Variants in CKAP2L observed in about 807,000 individuals in gnomAD.
CKAP2L encodes the protein cytoskeleton associated protein 2L, also known as cytoskeleton-associated protein 2-like.
Under a neutral mutation model 65.7 loss-of-function variants are expected in CKAP2L, and 42 were observed. The ratio of observed to expected loss-of-function variants is 0.64; its 90% CI spans 0.50 to 0.83. The LOEUF is 0.83. Ranked by LOEUF, CKAP2L falls within the 40% of genes least tolerant of loss-of-function variation. The pLI is 0.00. For missense variants in CKAP2L, 908 were observed against 871.0 expected (o/e 1.04, Z -0.53); for synonymous variants, 325 against 313.5 (o/e 1.04, Z -0.39).
chr2:112,758,584 A>C (rs1458320643), intron 3 of CKAP2L, among the ~76,000 whole-genome samples: 1 of 152,206 alleles, frequency 6.6e-6, no homozygotes, highest in Non-Finnish European at 1.5e-5. Flanking sequence ...GTATACCCAC[A>C]ATGGCTATAT....
intron 7 of CKAP2L, 140 bp downstream of exon 7, chr2:112,742,566 G>T: frequency 1.4e-6 from 1 of 710,692 alleles, no homozygotes; most frequent in Non-Finnish European, 2.6e-6. Context: ...GATGACAATG[G>T]CTGAAAGGGC....
intron 3 of CKAP2L, among the ~76,000 whole-genome samples, chr2:112,759,237 T>C (rs916036065): frequency 1.1e-5 from 1 of 92,342 alleles, no homozygotes; most frequent in African/African-American, 1.1e-4. Flanking sequence ...GTACTGCTTT[T>C]TACTCTCAAA....
chr2:112,740,894 T>C lies in CKAP2L; in HGVS notation c.1936A>G (p.Thr646Ala). 6.2e-7 allele frequency: 1 copy of C among 1,614,062 alleles called. No homozygotes were observed. Among genetic ancestry groups the C allele is most frequent in the Non-Finnish European group, 8.5e-7 (1 of 1,179,964 alleles). Residue 646 changes from threonine to alanine, a missense_variant, in exon 8 of 9, where the codon ACG (threonine) becomes GCG (alanine). By Grantham distance (58) the Thr-to-Ala change is moderately conservative (BLOSUM62 0). Coordinates refer to ENST00000302450, the MANE Select transcript of CKAP2L (RefSeq NM_152515.5). ...CLSPKEREQV[T>A]ATPRIAKAEQ... ...GCCTTGGCTATTCGGGGTGTCGCCG[T>C]GACTTGTTCCCTCTCTTTTGGAGAA...
At chr2:112,750,189 G>C (rs1156378321) in intron 5 of CKAP2L, among the ~76,000 whole-genome samples, 5 of 152,168 alleles carry the variant, frequency 3.3e-5, no homozygotes, top group Non-Finnish European at 7.3e-5. Flanking sequence ...CCTAGACCCA[G>C]TGGGTACAAG....
chr2:112,753,463 A>G (rs1680438285), intron 4 of CKAP2L, among the ~76,000 whole-genome samples: 1 of 151,538 alleles, frequency 6.6e-6, no homozygotes, highest in African/African-American at 2.4e-5. Context: ...CCAACCTCGT[A>G]TCACACTAGT....
rs1198611598 is a variant in CKAP2L, at chr2:112,738,859, C to A, written c.2202G>T (p.Leu734=). ...KCFIFRRNEA[L]PVTLGFQTPE... ...GGGTTTGAAACCCCAATGTTACAGG[C>A]AGCGCCTCATTTCTACGGAATATAA... The change falls in exon 9 of 9, where the codon CTG becomes CTT. Residue 734 remains leucine, a synonymous_variant. Coordinates refer to ENST00000302450, the MANE Select transcript of CKAP2L (RefSeq NM_152515.5). The A allele has an allele frequency of 8.9e-5, 143 of 1,613,504 alleles. No homozygotes were observed. Among genetic ancestry groups the A allele is most frequent in the African/African-American group, 1.3e-5 (1 of 74,908 alleles).
intron 1 of CKAP2L, among the ~76,000 whole-genome samples, chr2:112,763,128 A>C (rs1680780738): frequency 6.6e-6 from 1 of 152,160 alleles, no homozygotes; most frequent in Non-Finnish European, 1.5e-5. Context: ...CAATCCAATG[A>C]GTTTTTGCAA....
intron 4 of CKAP2L, among the ~76,000 whole-genome samples, chr2:112,754,733 G>GC (rs1484304509): frequency 2.0e-5 from 3 of 152,162 alleles, no homozygotes; most frequent in Admixed American, 6.5e-5. Flanking sequence ...TGTTCAACCT[G>GC]CAACACAGTC....
chr2:112,762,742 T>C (rs1680764313), intron 1 of CKAP2L, among the ~76,000 whole-genome samples, 173 bp from the exon 2 acceptor site: 1 of 152,030 alleles, frequency 6.6e-6, no homozygotes, highest in South Asian at 2.1e-4. Flanking sequence ...ATCAACAATA[T>C]CATTTATATG....
chr2:112,738,987 TCGA>T lies in CKAP2L; in HGVS notation c.2071_2073del (p.Ser691del). The T allele has an allele frequency of 6.2e-7, 1 of 1,614,214 alleles. No individual in the cohort carries two copies. ...TAGCGGGACACTGCTCGCTCAATCC[TCGA>T]CGAACGCCGTACAGGAGTGATAAAT... is the stretch of plus-strand genomic sequence containing the variant. On this transcript the variant is annotated inframe_deletion, in exon 9 of 9. Transcript: ENST00000302450.
rs1680206595 is a variant in CKAP2L at position 112,746,526 on chromosome 2, G to T, written c.1652C>A (p.Ala551Asp). 1 of 1,613,150 alleles carries T rather than the reference G, an allele frequency of 6.2e-7. No individual in the cohort carries two copies. Among genetic ancestry groups the T allele is most frequent in the Non-Finnish European group, 8.5e-7 (1 of 1,179,456 alleles). The change falls in exon 6 of 9, where the codon GCT becomes GAT. Residue 551 changes from alanine to aspartate, a missense_variant. Ala to Asp is a moderately radical substitution (Grantham distance 126). Coordinates refer to ENST00000302450, the MANE Select transcript of CKAP2L (RefSeq NM_152515.5). ...GATCCAGAATTTAGCAAATTTTTCA[G>T]CTTCAGGAATGCTGGACAATATGTT... ...ILNILSSIPEAEKFAKFWICK... is the reference protein window; with the variant it reads ...ILNILSSIPEDEKFAKFWICK...
At chr2:112,746,718 G>A in intron 5 of CKAP2L, 143 bp from the exon 6 acceptor site, 1 of 531,760 alleles carries the variant, frequency 1.9e-6, no homozygotes, top group South Asian at 3.1e-5. Flanking sequence ...CAATTTTACT[G>A]AGGTACAATG....
intron 7 of CKAP2L, among the ~76,000 whole-genome samples, chr2:112,742,218 C>A (rs1680021126): frequency 6.6e-6 from 1 of 152,154 alleles, no homozygotes; most frequent in South Asian, 2.1e-4. Context: ...ATTATAATGT[C>A]ACTCGTGTTT....
chr2:112,763,945 T>A (rs78619542), intron 1 of CKAP2L: 1 of 152,694 alleles, frequency 6.5e-6, no homozygotes, highest in Non-Finnish European at 1.5e-5. Flanking sequence ...ACAGGAATAA[T>A]GGATGAAACA....
At chr2:112,739,237 T>C (rs1290521016) in intron 8 of CKAP2L, among the ~76,000 whole-genome samples, 189 bp from the exon 9 acceptor site, 2 of 152,098 alleles carry the variant, frequency 1.3e-5, no homozygotes, top group African/African-American at 2.4e-5. Context: ...CTGGGCAACA[T>C]AGCAACACAC....
intron 1 of CKAP2L, chr2:112,763,999 G>A (rs1680813275): frequency 6.5e-6 from 1 of 154,770 alleles, no homozygotes; most frequent in African/African-American, 2.4e-5. Flanking sequence ...CTGAGCAGGA[G>A]TATTTTGAAA....
chr2:112,750,104 C>T (rs1310612426), intron 5 of CKAP2L, among the ~76,000 whole-genome samples: 1 of 152,162 alleles, frequency 6.6e-6, no homozygotes, highest in African/African-American at 2.4e-5. Flanking sequence ...GCCTTCCTTA[C>T]AGTTGGAGTC....
intron 6 of CKAP2L, among the ~76,000 whole-genome samples, chr2:112,745,541 G>A (rs1030954971): frequency 5.9e-5 from 9 of 152,004 alleles, no homozygotes; most frequent in East Asian, 5.8e-4. Flanking sequence ...CACCACGCCC[G>A]GCTAACTTTT....
intron 3 of CKAP2L, among the ~76,000 whole-genome samples, 164 bp from the exon 4 acceptor site, chr2:112,757,378 T>C (rs1439538462): frequency 7.0e-6 from 1 of 143,364 alleles, no homozygotes; most frequent in Middle Eastern, 3.3e-3. Context: ...TAATAGGTAG[T>C]TTTTGTGTTT....
Sources: allele counts gnomAD v4.1 joint callset (sites outside exome capture counted in the v4.1 genomes callset), GRCh38; gene constraint gnomAD v4.1.1; transcripts MANE v1.5; gene names NCBI Gene and HGNC (gene_info 2026-07-23, HGNC 2026-07-21).